Variants in SLAMF9 observed in about 807,000 individuals in gnomAD.
The protein encoded by SLAMF9 is SLAM family member 9.
SLAMF9 carries 25 observed loss-of-function variants against 30.4 expected under a neutral mutation model. The observed-to-expected ratio is 0.82, with a 90% CI of 0.60 to 1.15. The LOEUF is 1.15. Ranked by LOEUF, SLAMF9 falls within the 50% of genes most tolerant of loss-of-function variation. The pLI is 0.00. For synonymous variants in SLAMF9, 129 were observed against 127.2 expected, an observed-to-expected ratio of 1.01 and a Z score of -0.09; for missense variants, 344 against 346.1, an observed-to-expected ratio of 0.99 and a Z score of 0.05.
chr1:159,980,879 T>A, the SLAMF9 span, among the ~76,000 whole-genome samples: 1 of 152,248 alleles, frequency 6.6e-6, no homozygotes, highest in Admixed American at 6.5e-5. Flanking sequence ...CCTGCTCTCT[T>A]CCATCACTCT....
upstream of SLAMF9, among the ~76,000 whole-genome samples, chr1:159,954,506 G>A (rs1651882200): frequency 6.6e-6 from 1 of 152,132 alleles, no homozygotes; most frequent in Non-Finnish European, 1.5e-5. Flanking sequence ...TCCCTATCCT[G>A]TTATTTGGCT....
the SLAMF9 span, among the ~76,000 whole-genome samples, chr1:159,959,916 G>A: frequency 2.1e-4 from 32 of 152,128 alleles, no homozygotes; most frequent in Admixed American, 4.6e-4. Context: ...TTAGCGTAGC[G>A]TAACTAAGGC....
the SLAMF9 span, among the ~76,000 whole-genome samples, chr1:159,968,923 G>A: frequency 2.0e-5 from 3 of 152,026 alleles, no homozygotes; most frequent in Non-Finnish European, 4.4e-5. Context: ...GTAGTGGCAG[G>A]CGCCTGTACT....
At chr1:159,960,262 G>A in the SLAMF9 span, among the ~76,000 whole-genome samples, 14 of 147,698 alleles carry the variant, frequency 9.5e-5, no homozygotes, top group South Asian at 2.6e-3. Flanking sequence ...GAGAACAGGC[G>A]GTGTTTGGTT....
At chr1:159,966,696 T>G in the SLAMF9 span, among the ~76,000 whole-genome samples, 29 of 152,350 alleles carry the variant, frequency 1.9e-4, no homozygotes, top group Admixed American at 2.0e-4. Flanking sequence ...GGTTTTAATT[T>G]GCATTTACTT....
chr1:159,964,711 T>A, the SLAMF9 span, among the ~76,000 whole-genome samples: 1 of 152,192 alleles, frequency 6.6e-6, no homozygotes, highest in South Asian at 2.1e-4. Context: ...TCTCCCGGTG[T>A]CTTGTTGGCA....
chr1:159,974,454 A>G, the SLAMF9 span, among the ~76,000 whole-genome samples: 5 of 152,108 alleles, frequency 3.3e-5, no homozygotes, highest in African/African-American at 4.8e-5. Context: ...CACACTTCAC[A>G]TGCTGCCCCA....
chr1:159,957,138 G>GGA, upstream of SLAMF9, among the ~76,000 whole-genome samples: 1 of 13,676 alleles, frequency 7.3e-5, no homozygotes, highest in Non-Finnish European at 1.6e-4. Flanking sequence ...AAAAAAAAAA[G>GGA]ACAAAAAAAA....
In SLAMF9 at chr1:159,953,659, CA is replaced by C. The variant is rs1651850787; in HGVS notation, c.47-7del. ...CCAGAGTCTCCTTTGGCTGCCTATG[CA>C]GGAAGAAAAGAGAAGCAAACAACCC... On this transcript the variant is annotated splice_polypyrimidine_tract_variant and splice_region_variant and intron_variant, in intron 1 of 3. Transcript: ENST00000368093. The C allele has an allele frequency of 1.3e-6, 2 of 1,585,896 alleles. No homozygotes were observed. Among genetic ancestry groups the C allele is most frequent in the Non-Finnish European group, 1.7e-6 (2 of 1,163,006 alleles).
intron 2 of SLAMF9, among the ~76,000 whole-genome samples, 166 bp downstream of exon 2, chr1:159,953,134 TCAGATACAA>T (rs916322022): frequency 6.6e-6 from 1 of 152,186 alleles, no homozygotes; most frequent in African/African-American, 2.4e-5. Context: ...TTGCTGCGGT[TCAGATACAA>T]CAGGTGGATT....
At chr1:159,960,366 T>C in the SLAMF9 span, among the ~76,000 whole-genome samples, 4 of 151,920 alleles carry the variant, frequency 2.6e-5, no homozygotes, top group African/African-American at 9.7e-5. Flanking sequence ...TATGGCTGCA[T>C]CTACACTGCT....
chr1:159,976,993 A>AGAAGGAAAGAAG, the SLAMF9 span: 2 of 110,592 alleles, frequency 1.8e-5, no homozygotes, highest in East Asian at 2.5e-4. Context: ...AAAGAAGGAA[A>AGAAGGAAAGAAG]GAAAGAAAGA....
At chr1:159,973,202 T>C in the SLAMF9 span, 3 of 1,410,240 alleles carry the variant, frequency 2.1e-6, no homozygotes, top group East Asian at 2.3e-5. Flanking sequence ...GCAGCTTTGT[T>C]TGACATCTCA....
upstream of SLAMF9, among the ~76,000 whole-genome samples, chr1:159,954,762 A>G (rs1166825593): frequency 1.3e-5 from 2 of 152,182 alleles, no homozygotes; most frequent in African/African-American, 4.8e-5. Context: ...GCAGGGGAAA[A>G]ACATTTGATT....
chr1:159,969,317 T>C, the SLAMF9 span, among the ~76,000 whole-genome samples: 1 of 152,120 alleles, frequency 6.6e-6, no homozygotes, highest in Non-Finnish European at 1.5e-5. Flanking sequence ...TTTCCCAAGC[T>C]CACGTGATGA....
At chr1:159,957,132 A>AG (rs1651939178), upstream of SLAMF9, among the ~76,000 whole-genome samples, 1 of 64,808 alleles carries the variant, frequency 1.5e-5, no homozygotes, top group Non-Finnish European at 3.2e-5. Context: ...AAAAAAAAAA[A>AG]AAAAAGACAA....
upstream of SLAMF9, among the ~76,000 whole-genome samples, chr1:159,957,578 C>G (rs982571668): frequency 2.0e-5 from 3 of 152,018 alleles, no homozygotes; most frequent in African/African-American, 7.3e-5. Context: ...CAGCCGAGAT[C>G]GTGCCACTGC....
chr1:159,955,636 T>C (rs926841437), upstream of SLAMF9, among the ~76,000 whole-genome samples: 3 of 152,246 alleles, frequency 2.0e-5, no homozygotes, highest in African/African-American at 7.2e-5. Flanking sequence ...CGTGACTTCA[T>C]GGAGCTCATA....
chr1:159,951,815 T>C lies in SLAMF9; in HGVS notation c.716A>G (p.Lys239Arg), dbSNP rs771148469. 47 of 1,614,184 alleles carry C rather than the reference T, an allele frequency of 2.9e-5. No individual in the cohort carries two copies. The highest frequency in any genetic ancestry group is 3.9e-5 in the Non-Finnish European group (46 of 1,180,026). ...KPSTAFCLLA[K>R]GLLIFLLLVI... The stretch of plus-strand genomic sequence containing the variant: ...CAAGAGCAAGAAGATGAGCAATCCC[T>C]TGGCCAGGAGGCAGAAGGCTGTTGA... Residue 239 changes from lysine (K) to arginine (R), a missense_variant, in exon 4 of 4, where the codon AAG becomes AGG. By Grantham distance (26) the Lys-to-Arg change is conservative. Coordinates refer to ENST00000368093, the MANE Select transcript of SLAMF9 (RefSeq NM_033438.4).
Sources: gnomAD v4.1 joint callset for allele counts (sites outside exome capture counted in the v4.1 genomes callset) on GRCh38, gnomAD v4.1.1 for gene constraint, MANE v1.5 for transcripts, NCBI Gene and HGNC (gene_info 2026-07-23, HGNC 2026-07-21) for gene names.